Variants in GRID2 observed in about 807,000 individuals in gnomAD.
GRID2 encodes the protein glutamate ionotropic receptor delta type subunit 2.
Under a neutral mutation model 114.8 loss-of-function variants are expected in GRID2, and 33 were observed. That is an observed-to-expected ratio of 0.29 (90% CI 0.22 to 0.38). The LOEUF is 0.38. Among genes scored for constraint, GRID2 ranks in the 10% least tolerant of loss-of-function variants. The pLI is 1.00. For synonymous variants in GRID2, 505 were observed against 449.9 expected, an observed-to-expected ratio of 1.12 and a Z score of -1.55; for missense variants, 1,184 against 1,257.7, an observed-to-expected ratio of 0.94 and a Z score of 0.89.
intron 8 of GRID2, among the ~76,000 whole-genome samples, chr4:93,353,513 G>T (rs1183747640): frequency 1.3e-5 from 2 of 152,068 alleles, no homozygotes; most frequent in East Asian, 3.9e-4. Flanking sequence ...CACAATCACA[G>T]ATGGTGCTGA....
intron 14 of GRID2, among the ~76,000 whole-genome samples, chr4:93,718,839 C>T (rs1247629020): frequency 6.6e-6 from 1 of 152,110 alleles, no homozygotes; most frequent in Non-Finnish European, 1.5e-5. Context: ...ATTTAATCTT[C>T]CATCCAAGAA....
intron 1 of GRID2, among the ~76,000 whole-genome samples, chr4:92,408,564 TG>T (rs1400144399): frequency 1.3e-5 from 2 of 151,284 alleles, no homozygotes; most frequent in African/African-American, 4.9e-5. Flanking sequence ...TAAATTGCTT[TG>T]GGCAGTATGG....
chr4:93,366,917 T>C (rs11938945), intron 8 of GRID2, among the ~76,000 whole-genome samples: 29,673 of 151,726 alleles, frequency 0.2, 4,353 homozygotes, highest in African/African-American at 0.41. Context: ...AGAATATATA[T>C]GGTTGATAAA....
chr4:93,016,596 T>C (rs1722762952), intron 2 of GRID2, among the ~76,000 whole-genome samples: 1 of 152,094 alleles, frequency 6.6e-6, no homozygotes, highest in African/African-American at 2.4e-5. Context: ...CGTCTTTGAA[T>C]GTGGTGGAAT....
intron 4 of GRID2, among the ~76,000 whole-genome samples, chr4:93,205,690 G>A (rs1251829616): frequency 6.6e-6 from 1 of 152,050 alleles, no homozygotes; most frequent in East Asian, 1.9e-4. Context: ...GGATGGCTGG[G>A]TCAAATGGTA....
At chr4:92,829,912 T>A (rs186529902) in intron 2 of GRID2, among the ~76,000 whole-genome samples, 21 of 151,830 alleles carry the variant, frequency 1.4e-4, no homozygotes, top group African/African-American at 4.8e-4. Context: ...GAGGGGAACA[T>A]CACACACGAG....
intron 2 of GRID2, among the ~76,000 whole-genome samples, chr4:92,868,062 T>TCTGTCTG (rs1560653219): frequency 1.7e-5 from 2 of 119,674 alleles, no homozygotes; most frequent in South Asian, 2.8e-4. Flanking sequence ...CTTTCTTTCT[T>TCTGTCTG]TCTTTCTGTC....
intron 2 of GRID2, among the ~76,000 whole-genome samples, chr4:92,671,035 C>G (rs532563498): frequency 3.9e-5 from 6 of 152,148 alleles, no homozygotes; most frequent in African/African-American, 1.4e-4. Context: ...TCTCACATTG[C>G]TATAAAGAAC....
At chr4:92,477,423 C>T (rs1487112876) in intron 1 of GRID2, among the ~76,000 whole-genome samples, 4 of 152,090 alleles carry the variant, frequency 2.6e-5, no homozygotes, top group Admixed American at 6.6e-5. Flanking sequence ...TGACATACTA[C>T]TGTCGTGGTT....
At chr4:92,479,939 A>T (rs1196090825) in intron 1 of GRID2, among the ~76,000 whole-genome samples, 1 of 152,150 alleles carries the variant, frequency 6.6e-6, no homozygotes, top group African/African-American at 2.4e-5. Flanking sequence ...CATTTCATAA[A>T]TTAAGTTTTA....
intron 1 of GRID2, among the ~76,000 whole-genome samples, chr4:93,797,545 C>T (rs1734828347): frequency 6.6e-6 from 1 of 152,210 alleles, no homozygotes; most frequent in African/African-American, 2.4e-5. Context: ...GGTGTCAGAA[C>T]CACTCACGCA....
intron 2 of GRID2, among the ~76,000 whole-genome samples, chr4:93,029,851 T>A (rs181447248): frequency 1.3e-5 from 2 of 152,216 alleles, no homozygotes; most frequent in Admixed American, 1.3e-4. Flanking sequence ...TGTTTAGGTA[T>A]AACTAACTTA....
In GRID2 at chr4:93,452,708, A is replaced by G. The variant is rs1722799094; in HGVS notation, c.1546-2954A>G. Among the ~76,000 whole-genome samples, 3 of 152,122 alleles carry G rather than the reference A, an allele frequency of 2.0e-5. No homozygotes were observed. The South Asian group carries it at 6.2e-4, about 31-fold the overall frequency. On this transcript the variant is annotated intron_variant, in intron 10 of 15. Transcript: ENST00000282020. Reference sequence around the variant, plus strand: ...ATCTCCCATCTTCTATGTTCTCTATATAATAACAGTAGGATTAAAGATGTG... The same window carrying G: ...ATCTCCCATCTTCTATGTTCTCTATGTAATAACAGTAGGATTAAAGATGTG...
At chr4:92,461,572 T>G in intron 1 of GRID2, among the ~76,000 whole-genome samples, 1 of 152,106 alleles carries the variant, frequency 6.6e-6, no homozygotes, top group South Asian at 2.1e-4. Context: ...ACTTTCTGTA[T>G]AATTGTGGAT....
intron 8 of GRID2, among the ~76,000 whole-genome samples, chr4:93,252,381 T>C (rs1006752396): frequency 7.4e-6 from 1 of 134,798 alleles, no homozygotes; most frequent in African/African-American, 2.9e-5. Context: ...TCGTTGTAGG[T>C]ATATGGTCTT....
intron 2 of GRID2, among the ~76,000 whole-genome samples, chr4:92,651,915 C>T (rs967763509): frequency 6.6e-6 from 1 of 152,100 alleles, no homozygotes; most frequent in East Asian, 1.9e-4. Context: ...TTCTTTTTCT[C>T]TGTCAACTTT....
chr4:92,432,815 GC>G (rs1326322792), intron 1 of GRID2, among the ~76,000 whole-genome samples: 1 of 152,056 alleles, frequency 6.6e-6, no homozygotes, highest in Non-Finnish European at 1.5e-5. Context: ...AACAGAAGGA[GC>G]CTTTCCCCAT....
intron 8 of GRID2, among the ~76,000 whole-genome samples, chr4:93,337,876 A>T (rs184998146): frequency 5.8e-4 from 88 of 152,292 alleles, no homozygotes; most frequent in Non-Finnish European, 9.6e-4. Context: ...TTCAAAAATA[A>T]TTTAAAAAGG....
At chr4:92,845,553 C>G (rs1743246296) in intron 2 of GRID2, among the ~76,000 whole-genome samples, 1 of 152,048 alleles carries the variant, frequency 6.6e-6, no homozygotes, top group African/African-American at 2.4e-5. Context: ...TTTAAAAAAA[C>G]ATAGTAAATA....
Sources: gnomAD v4.1 joint callset for allele counts (sites outside exome capture counted in the v4.1 genomes callset) on GRCh38, gnomAD v4.1.1 for gene constraint, MANE v1.5 for transcripts, NCBI Gene and HGNC (gene_info 2026-07-23, HGNC 2026-07-21) for gene names.